The following UNC5C variants were observed in gnomAD, a reference collection of about 807,000 sequenced individuals.
UNC5C encodes the protein netrin receptor UNC5C.
UNC5C carries 47 observed loss-of-function variants against 99.8 expected under a neutral mutation model. The observed-to-expected ratio is 0.47, with a 90% confidence interval of 0.37 to 0.60. The LOEUF (loss-of-function observed/expected upper bound fraction) is 0.60, where lower values mean the gene tolerates loss of function less well. Ranked by LOEUF, UNC5C falls within the 20% of genes least tolerant of loss-of-function variation. UNC5C has a pLI of 0.00. For missense variants in UNC5C, 1,062 were observed against 1,165.9 expected (o/e 0.91, Z 1.30); for synonymous variants, 487 against 452.2 (o/e 1.08, Z -0.98).
At chr4:95,360,120 A>T (rs965946057) in intron 1 of UNC5C, among the ~76,000 whole-genome samples, 6 of 152,178 alleles carry the variant, frequency 3.9e-5, no homozygotes, top group Admixed American at 3.3e-4. Flanking sequence ...TCTATTTATT[A>T]GTTATAGGTC....
At chr4:95,496,752 AATG>A (rs1248645034) in intron 1 of UNC5C, among the ~76,000 whole-genome samples, 1 of 151,758 alleles carries the variant, frequency 6.6e-6, no homozygotes, top group African/African-American at 2.4e-5. Flanking sequence ...TAAGTTCTTT[AATG>A]ATGATTTCTG....
intron 1 of UNC5C, among the ~76,000 whole-genome samples, chr4:95,543,027 G>T (rs892863550): frequency 1.3e-5 from 2 of 152,008 alleles, no homozygotes; most frequent in African/African-American, 4.8e-5. Context: ...CTTCAAAGTA[G>T]CATTAAAAAA....
chr4:95,543,921 T>C (rs1398300126), intron 1 of UNC5C, among the ~76,000 whole-genome samples: 1 of 152,244 alleles, frequency 6.6e-6, no homozygotes, highest in Non-Finnish European at 1.5e-5. Flanking sequence ...GAGTTTACAA[T>C]GATCTACTCC....
At chr4:95,365,752 A>G (rs1744542975) in intron 1 of UNC5C, among the ~76,000 whole-genome samples, 1 of 152,152 alleles carries the variant, frequency 6.6e-6, no homozygotes, top group Admixed American at 6.6e-5. Flanking sequence ...CACTGAGAAT[A>G]AACAACATTA....
chr4:95,262,030 A>G (rs531482579), intron 4 of UNC5C, among the ~76,000 whole-genome samples: 2 of 152,298 alleles, frequency 1.3e-5, no homozygotes, highest in South Asian at 2.1e-4. Context: ...TAATATCTCT[A>G]AGAACTTGCC....
intron 4 of UNC5C, among the ~76,000 whole-genome samples, chr4:95,263,272 CT>C: frequency 6.6e-6 from 1 of 152,150 alleles, no homozygotes. Context: ...GACATGGCAT[CT>C]TTTCCCACTA....
rs999878305 is a variant in UNC5C at position 95,363,218 on chromosome 4, C to T, written c.125-27587G>A. 3.9e-5 allele frequency among the ~76,000 whole-genome samples: 6 copies of T among 152,076 alleles called. No individual in the cohort carries two copies. The South Asian group carries it at 1.2e-3, about 31-fold the overall frequency. ...AGTCTCTGGCAGACAGCTGCACCAC[C>T]GGCTTACCATTACACAAACCAGACA... On this transcript the variant is annotated intron_variant, in intron 1 of 15. Transcript: ENST00000453304.
chr4:95,341,458 A>G (rs1364137952), intron 1 of UNC5C, among the ~76,000 whole-genome samples: 2 of 151,598 alleles, frequency 1.3e-5, no homozygotes, highest in African/African-American at 4.8e-5. Context: ...TTTATAAGAA[A>G]GAGAGAAAGA....
chr4:95,220,105 A>C lies in UNC5C; in HGVS notation c.1180T>G (p.Ser394Ala). Residue 394 changes from serine to alanine, a missense_variant, in exon 8 of 16, where the codon TCT becomes GCT. Around this residue, in one of 3 missense-constraint regions of UNC5C, gnomAD observed 810 missense variants for 854.5 expected, o/e 0.95. Coordinates refer to ENST00000453304, the MANE Select transcript of UNC5C (RefSeq NM_003728.4). ...TACACAAACAAGGCCACAACTACAG[A>C]GATCGCCAGGCAAACGATCACTGCT... Reference protein sequence around the residue: ...VIAVIVCLAISVVVALFVYRK... With the variant: ...VIAVIVCLAIAVVVALFVYRK... 6.2e-7 allele frequency: 1 copy of C among 1,614,172 alleles called. No homozygotes were observed. The highest frequency in any genetic ancestry group is 1.1e-5 in the South Asian group (1 of 91,084).
intron 4 of UNC5C, among the ~76,000 whole-genome samples, chr4:95,258,691 A>G (rs565762259): frequency 1.4e-5 from 2 of 144,460 alleles, no homozygotes; most frequent in South Asian, 2.3e-4. Context: ...CTGTTTGCCT[A>G]TTCTGCTGTT....
At chr4:95,237,973 C>T (rs1036854168) in intron 7 of UNC5C, among the ~76,000 whole-genome samples, 2 of 152,088 alleles carry the variant, frequency 1.3e-5, no homozygotes, top group Non-Finnish European at 2.9e-5. Context: ...ACCAGGAAGT[C>T]AGAGGTTGCA....
chr4:95,505,651 G>C (rs1342070737), intron 1 of UNC5C, among the ~76,000 whole-genome samples: 2 of 152,044 alleles, frequency 1.3e-5, no homozygotes, highest in Admixed American at 6.6e-5. Context: ...GAAGCACATT[G>C]CATTTTTGTT....
chr4:95,496,923 TACA>T (rs1335961525), intron 1 of UNC5C, among the ~76,000 whole-genome samples: 3 of 151,860 alleles, frequency 2.0e-5, no homozygotes, highest in South Asian at 2.1e-4. Flanking sequence ...AGTGAGAAAA[TACA>T]ACATTTGGCT....
At chr4:95,389,474 C>A (rs537782703) in intron 1 of UNC5C, among the ~76,000 whole-genome samples, 1 of 152,012 alleles carries the variant, frequency 6.6e-6, no homozygotes, top group African/African-American at 2.4e-5. Flanking sequence ...ATATCTAGAA[C>A]GATAATTCTA....
chr4:95,305,013 C>A (rs1742011717), intron 2 of UNC5C, among the ~76,000 whole-genome samples: 1 of 152,188 alleles, frequency 6.6e-6, no homozygotes, highest in African/African-American at 2.4e-5. Context: ...CCTCCTGCTA[C>A]AGGAGTTATT....
chr4:95,237,581 T>G (rs1739167162), intron 7 of UNC5C, among the ~76,000 whole-genome samples: 1 of 152,170 alleles, frequency 6.6e-6, no homozygotes, highest in African/African-American at 2.4e-5. Flanking sequence ...TGATTAATTT[T>G]TCAGTTGAAA....
chr4:95,292,270 T>G (rs1055964818), intron 3 of UNC5C, among the ~76,000 whole-genome samples: 1 of 142,204 alleles, frequency 7.0e-6, no homozygotes, highest in Admixed American at 7.1e-5. Context: ...TATATATAAA[T>G]TTTTTTTGTT....
At chr4:95,249,920 G>C (rs1334197219) in intron 5 of UNC5C, among the ~76,000 whole-genome samples, 2 of 152,178 alleles carry the variant, frequency 1.3e-5, no homozygotes, top group African/African-American at 2.4e-5. Flanking sequence ...GAATAGGTCA[G>C]CTCCCGCTTT....
intron 14 of UNC5C, among the ~76,000 whole-genome samples, chr4:95,176,590 T>G (rs1736358786): frequency 1.3e-5 from 2 of 152,080 alleles, no homozygotes; most frequent in African/African-American, 4.8e-5. Flanking sequence ...GAGGAGGCAG[T>G]CTGCCCGTTC....
Sources: gnomAD v4.1 joint callset for allele counts (sites outside exome capture counted in the v4.1 genomes callset) on GRCh38, gnomAD v4.1.1 for gene constraint, gnomAD v4.1.1 regional missense constraint, MANE v1.5 for transcripts, NCBI Gene and HGNC (gene_info 2026-07-23, HGNC 2026-07-21) for gene names.